Variants in STK39 observed in about 807,000 individuals in gnomAD.
The protein encoded by STK39 is serine/threonine kinase 39, also known as STE20/SPS1-related proline-alanine-rich protein kinase.
STK39 carries 20 observed loss-of-function variants against 77.8 expected under a neutral mutation model. That is an observed-to-expected ratio of 0.26 (90% CI 0.18 to 0.37). The LOEUF is 0.37. Among genes scored for constraint, STK39 ranks in the 10% least tolerant of loss-of-function variants. The pLI is 1.00. For missense variants in STK39, 479 were observed against 656.5 expected (o/e 0.73, Z 2.95); for synonymous variants, 246 against 234.1 (o/e 1.05, Z -0.47).
At chr2:168,010,060 C>T (rs775254513) in intron 16 of STK39, among the ~76,000 whole-genome samples, 2 of 152,182 alleles carry the variant, frequency 1.3e-5, no homozygotes, top group Non-Finnish European at 1.5e-5. Context: ...AATGCCTTTC[C>T]GTCAAGCTCT....
At chr2:168,050,131 A>G (rs715878) in intron 14 of STK39, among the ~76,000 whole-genome samples, 79,677 of 152,038 alleles carry the variant, frequency 0.52, 21,496 homozygotes, top group Admixed American at 0.57. Flanking sequence ...AACATTTGGC[A>G]TACACTGGGC....
At chr2:168,014,447 G>C (rs991508452) in intron 15 of STK39, among the ~76,000 whole-genome samples, 2 of 151,790 alleles carry the variant, frequency 1.3e-5, no homozygotes, top group Non-Finnish European at 2.9e-5. Context: ...CAGGGTGACA[G>C]AGTGAAACCC....
intron 1 of STK39, among the ~76,000 whole-genome samples, chr2:168,235,119 C>T (rs2105268421): frequency 6.6e-6 from 1 of 151,788 alleles, no homozygotes; most frequent in Admixed American, 6.6e-5. Flanking sequence ...CTCACTGCAA[C>T]CACCGCTTCT....
Position 168,247,213 on chromosome 2 carries a change from G to T in STK39, c.208+15C>A. ...GCCCGGCCTGTGCCGGCCCCGCCGC[G>T]CCCGCCGCACTGACCGATAACCTCC... On this transcript the variant is annotated intron_variant, in intron 1 of 17. Transcript: ENST00000355999. The T allele has an allele frequency of 8.4e-7, 1 of 1,192,482 alleles. No individual in the cohort carries two copies. Among genetic ancestry groups the T allele is most frequent in the Non-Finnish European group, 1.0e-6 (1 of 958,952 alleles). The allele number at this position is 1,192,482 out of a possible 1,614,324, so 73.9% of individuals were successfully genotyped here.
chr2:168,227,670 CTTTTT>C (rs1690341950), intron 1 of STK39, among the ~76,000 whole-genome samples: 1 of 152,106 alleles, frequency 6.6e-6, no homozygotes, highest in Non-Finnish European at 1.5e-5. Context: ...AACAATTTTT[CTTTTT>C]TATTTATTTA....
intron 2 of STK39, among the ~76,000 whole-genome samples, chr2:168,170,949 A>T (rs1002444996): frequency 6.6e-5 from 10 of 152,244 alleles, no homozygotes; most frequent in African/African-American, 2.4e-4. Context: ...CCACGAGGTC[A>T]AAGATGGGAG....
At chr2:168,085,556 G>A (rs531847398) in intron 10 of STK39, among the ~76,000 whole-genome samples, 20 of 152,364 alleles carry the variant, frequency 1.3e-4, no homozygotes, top group Admixed American at 9.8e-4. Flanking sequence ...CTGATTTAGA[G>A]GACAAGGTCA....
chr2:167,990,070 TC>T (rs1357175148), intron 16 of STK39, among the ~76,000 whole-genome samples: 1 of 151,920 alleles, frequency 6.6e-6, no homozygotes, highest in Non-Finnish European at 1.5e-5. Context: ...AAAAAAAACT[TC>T]CTGACTCAAC....
At chr2:168,205,917 G>C (rs1170486404) in intron 1 of STK39, among the ~76,000 whole-genome samples, 1 of 152,008 alleles carries the variant, frequency 6.6e-6, no homozygotes, top group South Asian at 2.1e-4. Context: ...GCAAATTTTT[G>C]AAAAAGTGTC....
chr2:168,210,983 C>G (rs1689876712), intron 1 of STK39, among the ~76,000 whole-genome samples: 1 of 152,086 alleles, frequency 6.6e-6, no homozygotes, highest in Non-Finnish European at 1.5e-5. Context: ...AAATGCTCAT[C>G]AAAATTTCAA....
intron 5 of STK39, among the ~76,000 whole-genome samples, chr2:168,152,170 A>G (rs137989797): frequency 2.0e-5 from 3 of 152,340 alleles, no homozygotes; most frequent in East Asian, 1.9e-4. Flanking sequence ...TTTCTATTAA[A>G]TAAGATAATT....
At chr2:168,088,820 A>G (rs1033398337) in intron 10 of STK39, among the ~76,000 whole-genome samples, 2 of 152,150 alleles carry the variant, frequency 1.3e-5, no homozygotes, top group Admixed American at 6.5e-5. Context: ...CATGTTGTAC[A>G]CTTCAAGGAG....
chr2:168,005,941 T>A (rs1215025067), intron 16 of STK39, among the ~76,000 whole-genome samples: 1 of 152,190 alleles, frequency 6.6e-6, no homozygotes, highest in Non-Finnish European at 1.5e-5. Flanking sequence ...CATCTATCAC[T>A]AAAGTAAGTT....
At chr2:168,037,751 G>A (rs1186687237) in intron 14 of STK39, among the ~76,000 whole-genome samples, 1 of 152,118 alleles carries the variant, frequency 6.6e-6, no homozygotes, top group African/African-American at 2.4e-5. Flanking sequence ...AAAAGAAATG[G>A]AAGGAAATAT....
rs1195518300 is a variant in STK39, at chr2:167,964,700, C to G, written c.1525G>C (p.Asp509His). The part of the protein sequence containing the change: ...IVAANLQKIV[D>H]DPKALKTLTF... ...AATGTTTTTAAAGCTTTGGGATCAT[C>G]TACAATCTTCTGTAAATTAGCAGCC... Residue 509 changes from aspartate (D) to histidine (H), a missense_variant, in exon 17 of 18, where the codon GAT becomes CAT. Asp to His is a moderately conservative substitution (Grantham distance 81). This residue lies in a region of STK39 where 244 missense variants were observed against 296.8 expected (regional missense o/e 0.82). Coordinates refer to ENST00000355999, the MANE Select transcript of STK39 (RefSeq NM_013233.3). The G allele has an allele frequency of 6.2e-7, 1 of 1,611,464 alleles. No homozygotes were observed. The highest frequency in any genetic ancestry group is 1.1e-5 in the South Asian group (1 of 90,322).
chr2:168,155,624 G>T (rs964974566), intron 5 of STK39, among the ~76,000 whole-genome samples: 3 of 148,938 alleles, frequency 2.0e-5, no homozygotes, highest in African/African-American at 7.5e-5. Context: ...ATAACCAGTT[G>T]CCTCTTCATT....
intron 2 of STK39, among the ~76,000 whole-genome samples, chr2:168,181,130 GACTAATATTTGT>G (rs1179668236): frequency 6.6e-6 from 1 of 152,106 alleles, no homozygotes; most frequent in African/African-American, 2.4e-5. Flanking sequence ...GGAGCTACTG[GACTAATATTTGT>G]ACTGGGATTA....
chr2:168,221,786 C>G (rs1452178283), intron 1 of STK39, among the ~76,000 whole-genome samples: 1 of 152,098 alleles, frequency 6.6e-6, no homozygotes, highest in African/African-American at 2.4e-5. Flanking sequence ...TGTAGCAACG[C>G]TGGCACTCAC....
At chr2:168,239,227 T>C (rs986871632) in intron 1 of STK39, among the ~76,000 whole-genome samples, 27 of 152,204 alleles carry the variant, frequency 1.8e-4, no homozygotes, top group African/African-American at 6.5e-4. Context: ...AGGTGAGTGT[T>C]ATATATAAAT....
Sources: allele counts gnomAD v4.1 joint callset (sites outside exome capture counted in the v4.1 genomes callset), GRCh38; gene constraint gnomAD v4.1.1; regional missense constraint gnomAD v4.1.1; transcripts MANE v1.5; gene names NCBI Gene and HGNC (gene_info 2026-07-23, HGNC 2026-07-21).